Variants in TASP1 observed in about 807,000 individuals in gnomAD.
TASP1 encodes the protein threonine aspartase 1.
TASP1 carries 16 observed loss-of-function variants against 56.6 expected under a neutral mutation model. That is an observed-to-expected ratio of 0.28 (90% CI 0.19 to 0.43). TASP1 has a LOEUF of 0.43. Ranked by LOEUF, TASP1 falls within the 20% of genes least tolerant of loss-of-function variation. TASP1 has a pLI of 1.00. For synonymous variants in TASP1, 179 were observed against 184.2 expected (o/e 0.97, Z 0.23); for missense variants, 393 against 511.6 (o/e 0.77, Z 2.24).
chr20:13,124,799 T>TGGGCAG, the TASP1 span, among the ~76,000 whole-genome samples: 1 of 152,130 alleles, frequency 6.6e-6, no homozygotes, highest in Non-Finnish European at 1.5e-5. Context: ...GGAAAAGTGA[T>TGGGCAG]GGGCAGGGAC....
chr20:13,166,464 G>T, the TASP1 span: 2 of 152,332 alleles, frequency 1.3e-5, no homozygotes, highest in Admixed American at 1.3e-4. Context: ...AATACCGTTA[G>T]TGAAAGAGGA....
chr20:13,383,340 T>C, the TASP1 span, among the ~76,000 whole-genome samples: 1 of 152,178 alleles, frequency 6.6e-6, no homozygotes, highest in Non-Finnish European at 1.5e-5. Flanking sequence ...AGCAGTTAGA[T>C]TCAGCCTACA....
At chr20:13,271,733 C>T in the TASP1 span, among the ~76,000 whole-genome samples, 1 of 152,146 alleles carries the variant, frequency 6.6e-6, no homozygotes, top group African/African-American at 2.4e-5. Flanking sequence ...AGGCTCATCC[C>T]CCGGGCAACC....
the TASP1 span, among the ~76,000 whole-genome samples, chr20:13,186,404 A>G: frequency 2.0e-5 from 3 of 152,208 alleles, no homozygotes; most frequent in Non-Finnish European, 4.4e-5. Flanking sequence ...CTGCAGGGGA[A>G]GAAAACATAG....
chr20:13,589,224 A>AT (rs2047432722), intron 4 of TASP1, among the ~76,000 whole-genome samples: 1 of 151,674 alleles, frequency 6.6e-6, no homozygotes, highest in Admixed American at 6.6e-5. Context: ...TGCCCAGCTA[A>AT]TTTTTTGTAT....
At chr20:13,170,231 C>T in the TASP1 span, among the ~76,000 whole-genome samples, 1 of 152,150 alleles carries the variant, frequency 6.6e-6, no homozygotes, top group Non-Finnish European at 1.5e-5. Flanking sequence ...ATTAACAGTG[C>T]ATAAAGAGGA....
In TASP1 at chr20:13,459,262, C is replaced by T. The variant is rs1157800776; in HGVS notation, c.985+23965G>A. Among the ~76,000 whole-genome samples, 8 of 152,224 alleles carry T rather than the reference C, an allele frequency of 5.3e-5. No individual in the cohort carries two copies. The South Asian group carries it at 6.2e-4, about 12-fold the overall frequency. ...GATTTCCCAGTAACATCACCTCTTG[C>T]GTGAACCTCACTTGCAAGAATCTCA... On this transcript the variant is annotated intron_variant, in intron 11 of 13. Transcript: ENST00000337743.
At chr20:13,235,529 T>A in the TASP1 span, among the ~76,000 whole-genome samples, 1,880 of 152,272 alleles carry the variant, frequency 0.012, 45 homozygotes, top group African/African-American at 0.041. Flanking sequence ...GTGGCCAGAG[T>A]CAGGCCAAGA....
At chr20:13,264,513 C>T in the TASP1 span, among the ~76,000 whole-genome samples, 1 of 152,182 alleles carries the variant, frequency 6.6e-6, no homozygotes, top group Non-Finnish European at 1.5e-5. Flanking sequence ...AGTGCTCATC[C>T]TAATTTGCCC....
chr20:13,261,373 G>A, the TASP1 span, among the ~76,000 whole-genome samples: 50 of 151,558 alleles, frequency 3.3e-4, no homozygotes, highest in Admixed American at 3.2e-3. Flanking sequence ...AGCCGAGATC[G>A]CGCCATTGCC....
chr20:13,615,712 C>G (rs1312197460), intron 4 of TASP1, among the ~76,000 whole-genome samples: 1 of 151,884 alleles, frequency 6.6e-6, no homozygotes, highest in African/African-American at 2.4e-5. Context: ...ACCGTGTTAG[C>G]CAGGATGGTC....
intron 10 of TASP1, among the ~76,000 whole-genome samples, chr20:13,513,211 G>A (rs1340746619): frequency 1.3e-5 from 2 of 152,086 alleles, no homozygotes; most frequent in East Asian, 3.9e-4. Flanking sequence ...AAAAAGTAAA[G>A]GGTTCCTGAA....
chr20:13,227,959 CTTTT>C, the TASP1 span, among the ~76,000 whole-genome samples: 6 of 129,020 alleles, frequency 4.7e-5, no homozygotes, highest in African/African-American at 1.4e-4. Context: ...CTGCTGCTGC[CTTTT>C]TTTTTTTTTT....
At chr20:13,122,356 C>T in the TASP1 span, among the ~76,000 whole-genome samples, 2 of 152,142 alleles carry the variant, frequency 1.3e-5, no homozygotes, top group Non-Finnish European at 2.9e-5. Context: ...CCCACCTGCT[C>T]CAAAAAGAGG....
the TASP1 span, chr20:13,164,719 T>C: frequency 2.6e-6 from 4 of 1,546,664 alleles, no homozygotes; most frequent in African/African-American, 2.7e-5. Flanking sequence ...ACTTAGGTGT[T>C]CAATGATAGC....
the TASP1 span, among the ~76,000 whole-genome samples, chr20:13,334,907 A>C: frequency 5.9e-5 from 9 of 152,336 alleles, no homozygotes; most frequent in South Asian, 1.5e-3. Flanking sequence ...GAAGGTGAGA[A>C]ATGGATGGAA....
chr20:13,483,862 T>C (rs1019340084), intron 10 of TASP1, among the ~76,000 whole-genome samples: 1 of 151,934 alleles, frequency 6.6e-6, no homozygotes, highest in Admixed American at 6.6e-5. Context: ...ACCATCAGAG[T>C]GAACAGGCAA....
chr20:13,167,756 T>C, the TASP1 span: 6 of 152,120 alleles, frequency 3.9e-5, no homozygotes, highest in African/African-American at 1.4e-4. Context: ...CTGGCTAAAA[T>C]CCATACCCCT....
At chr20:13,228,621 A>AT in the TASP1 span, among the ~76,000 whole-genome samples, 1 of 151,902 alleles carries the variant, frequency 6.6e-6, no homozygotes, top group Non-Finnish European at 1.5e-5. Flanking sequence ...TTGTGTTTAG[A>AT]TTCAGGGCTT....
Sources: allele counts gnomAD v4.1 joint callset (sites outside exome capture counted in the v4.1 genomes callset), GRCh38; gene constraint gnomAD v4.1.1; transcripts MANE v1.5; gene names NCBI Gene and HGNC (gene_info 2026-07-23, HGNC 2026-07-21).